DAPK1: variants seen among roughly 807,000 people sequenced by gnomAD.
DAPK1 encodes death-associated protein kinase 1.
Under a neutral mutation model 144.9 loss-of-function variants are expected in DAPK1, and 56 were observed. That is an observed-to-expected ratio of 0.39 (90% CI 0.31 to 0.48). DAPK1 has a LOEUF of 0.48. DAPK1 is among the 20% of genes least tolerant of loss of function. The pLI, the probability that DAPK1 is intolerant of heterozygous loss-of-function variation, is 0.95. For synonymous variants in DAPK1, 690 were observed against 749.0 expected, an observed-to-expected ratio of 0.92 and a Z score of 1.29; for missense variants, 1,454 against 1,875.4, an observed-to-expected ratio of 0.78 and a Z score of 4.15.
intron 2 of DAPK1, among the ~76,000 whole-genome samples, chr9:87,533,172 T>C (rs933085185): frequency 6.6e-6 from 1 of 152,232 alleles, no homozygotes; most frequent in African/African-American, 2.4e-5. Context: ...AAAATATATA[T>C]ACACATGCGT....
intron 17 of DAPK1, 189 bp from the exon 18 acceptor site, chr9:87,657,840 T>G (rs914221846): frequency 1.7e-6 from 1 of 594,196 alleles, no homozygotes; most frequent in African/African-American, 1.9e-5. Context: ...CTCTTTTAAT[T>G]GCAAAGTACT....
At chr9:87,671,387 A>G (rs1417714333) in intron 19 of DAPK1, among the ~76,000 whole-genome samples, 4 of 151,942 alleles carry the variant, frequency 2.6e-5, no homozygotes, top group African/African-American at 7.2e-5. Flanking sequence ...AATATATTTT[A>G]TAGTTTATAA....
chr9:87,528,501 A>G (rs1316646402), intron 2 of DAPK1, among the ~76,000 whole-genome samples: 1 of 152,100 alleles, frequency 6.6e-6, no homozygotes, highest in African/African-American at 2.4e-5. Flanking sequence ...TACAGGCGTG[A>G]GCCACCACGC....
intron 18 of DAPK1, among the ~76,000 whole-genome samples, chr9:87,660,424 A>G (rs1001903351): frequency 6.6e-6 from 1 of 152,224 alleles, no homozygotes; most frequent in Non-Finnish European, 1.5e-5. Flanking sequence ...ATGAATTTCA[A>G]TAATATATTA....
chr9:87,627,167 G>A (rs1030821105), intron 3 of DAPK1, among the ~76,000 whole-genome samples: 1 of 152,228 alleles, frequency 6.6e-6, no homozygotes, highest in Non-Finnish European at 1.5e-5. Context: ...CCCACATGGA[G>A]AGGGGTGTCT....
At chr9:87,555,782 C>T (rs6560002) in intron 2 of DAPK1, among the ~76,000 whole-genome samples, 29,039 of 152,172 alleles carry the variant, frequency 0.19, 4,233 homozygotes, top group African/African-American at 0.39. Flanking sequence ...GGATTACAGG[C>T]GTAAGCCACT....
At chr9:87,616,684 G>T (rs1398544339) in intron 3 of DAPK1, among the ~76,000 whole-genome samples, 1 of 152,144 alleles carries the variant, frequency 6.6e-6, no homozygotes, top group Non-Finnish European at 1.5e-5. Context: ...TCTGAGAATG[G>T]AGCTGTCATC....
At position 87,584,691 on chromosome 9, in the gene DAPK1, T is replaced by TG. The variant is rs776346621; in HGVS notation, c.63-20263_63-20262insG. 5.1e-3 allele frequency among the ~76,000 whole-genome samples: 769 copies of TG among 151,128 alleles called. 4 individuals are homozygous for TG. Among genetic ancestry groups the TG allele is most frequent in the Middle Eastern group, 0.01 (3 of 294 alleles). On this transcript the variant is annotated intron_variant, in intron 2 of 25. Transcript: ENST00000408954. Reference sequence around the variant, plus strand: ...GTGTGTGTGTGTGTGTGTGTGTGTGTTTGAGATGGAGTTTCACTCTTGTTG... The same window carrying TG: ...GTGTGTGTGTGTGTGTGTGTGTGTGTGTTGAGATGGAGTTTCACTCTTGTTG...
In DAPK1 at chr9:87,638,034, G is replaced by T. The variant is rs1377160081; in HGVS notation, c.376G>T (p.Gly126Cys). The T allele has an allele frequency of 6.2e-7, 1 of 1,613,796 alleles. No individual in the cohort carries two copies. The highest frequency in any genetic ancestry group is 1.7e-5 in the Admixed American group (1 of 60,006). Reference protein sequence around the residue: ...ATEFLKQILNGVYYLHSLQIA... With the variant: ...ATEFLKQILNCVYYLHSLQIA... ...TGAATTTCTCAAACAAATTCTTAATGGTGTTTACTACCTGCACTCCCTTCA... is the reference window on the plus strand; with the variant it reads ...TGAATTTCTCAAACAAATTCTTAATTGTGTTTACTACCTGCACTCCCTTCA... The change falls in exon 4 of 26, where the codon GGT becomes TGT. Residue 126 changes from glycine to cysteine, a missense_variant. Gly to Cys is a radical substitution (Grantham distance 159). Coordinates refer to ENST00000408954, the MANE Select transcript of DAPK1 (RefSeq NM_004938.4).
At position 87,501,532 on chromosome 9, in the gene DAPK1, G is replaced by A. The variant is rs1051600566; in HGVS notation, c.62+2393G>A. On this transcript the variant is annotated intron_variant, in intron 2 of 25. Transcript: ENST00000408954. ...TGCCCTCCAGCCTGGGTGATACAGCGAGACTCTGTCTCAAAAAAAAAAGAA... is the reference window on the plus strand; with the variant it reads ...TGCCCTCCAGCCTGGGTGATACAGCAAGACTCTGTCTCAAAAAAAAAAGAA... 3.3e-5 allele frequency among the ~76,000 whole-genome samples: 5 copies of A among 151,468 alleles called. No homozygotes were observed. The South Asian group carries it at 6.2e-4, about 19-fold the overall frequency.
In DAPK1 at chr9:87,517,625, TTAAA is replaced by T. The variant is rs147399869; in HGVS notation, c.62+18487_62+18490del. ...ATTGTAGCCATGGTTCCTGTGAGTT[TTAAA>T]GGTAAACTGAGGAATTGCCGAAAAG... On this transcript the variant is annotated intron_variant, in intron 2 of 25. Transcript: ENST00000408954. Among the ~76,000 whole-genome samples the T allele has an allele frequency of 1.2e-3, 190 of 152,312 alleles. 2 individuals are homozygous for T. The highest frequency in any genetic ancestry group is 4.5e-3 in the African/African-American group (185 of 41,566).
At chr9:87,571,525 A>C (rs952720854) in intron 2 of DAPK1, among the ~76,000 whole-genome samples, 14 of 143,438 alleles carry the variant, frequency 9.8e-5, no homozygotes, top group African/African-American at 3.4e-4. Flanking sequence ...ACACACACAC[A>C]CACCAGAAGC....
intron 19 of DAPK1, among the ~76,000 whole-genome samples, chr9:87,670,997 G>A (rs992780506): frequency 1.3e-5 from 2 of 152,204 alleles, no homozygotes; most frequent in African/African-American, 4.8e-5. Context: ...GTTTGGACGA[G>A]TCTGAAAACA....
chr9:87,499,682 G>C (rs540761915), intron 2 of DAPK1, among the ~76,000 whole-genome samples: 1 of 152,182 alleles, frequency 6.6e-6, no homozygotes, highest in Non-Finnish European at 1.5e-5. Context: ...GTTGGTGTTG[G>C]TGGTTGCTTT....
intron 21 of DAPK1, among the ~76,000 whole-genome samples, chr9:87,695,446 C>T (rs1393493525): frequency 6.6e-6 from 1 of 152,188 alleles, no homozygotes; most frequent in Non-Finnish European, 1.5e-5. Context: ...CAGGATGTGG[C>T]AGTGTAGAGA....
rs1442493970 is a variant in DAPK1, at chr9:87,706,718, G to T, written c.3647G>T (p.Cys1216Phe). 1 of 1,612,128 alleles carries T rather than the reference G, an allele frequency of 6.2e-7. No individual in the cohort carries two copies. The highest frequency in any genetic ancestry group is 1.3e-5 in the African/African-American group (1 of 74,898). ...IKCCLLLDSVCSTIENVMATT... is the reference protein window; with the variant it reads ...IKCCLLLDSVFSTIENVMATT... Reference sequence around the variant, plus strand: ...TGCTGCCTGCTGCTGGACTCGGTGTGCAGCACCATTGAGAACGTCATGGCC... The same window carrying T: ...TGCTGCCTGCTGCTGGACTCGGTGTTCAGCACCATTGAGAACGTCATGGCC... Residue 1216 changes from cysteine (C) to phenylalanine (F), a missense_variant, in exon 26 of 26, where the codon TGC becomes TTC. By Grantham distance (205) the Cys-to-Phe change is radical (BLOSUM62 -2). Transcript: ENST00000408954. This position sits in a 1 kb window ranked among gnomAD's most constrained non-coding sequence, Gnocchi z 9.0.
chr9:87,529,888 C>G (rs1383696906), intron 2 of DAPK1, among the ~76,000 whole-genome samples: 1 of 152,176 alleles, frequency 6.6e-6, no homozygotes, highest in Non-Finnish European at 1.5e-5. Flanking sequence ...CACCTCTGGG[C>G]CTTTAAATTT....
At position 87,605,053 on chromosome 9, in the gene DAPK1, G is replaced by T. The variant is rs1454360361; in HGVS notation, c.162G>T (p.Arg54=). ...IKKRRTKSSR[R]GVSREDIERE... ...AAAGGAGGACTAAGTCCAGCCGGCG[G>T]GGTGTGAGCCGCGAGGACATCGAGC... The change falls in exon 3 of 26, where the codon CGG becomes CGT. Residue 54 remains arginine (R), a synonymous_variant. Transcript: ENST00000408954. 4 of 1,614,222 alleles carry T rather than the reference G, an allele frequency of 2.5e-6. No individual in the cohort carries two copies. In the South Asian group the frequency reaches 3.3e-5, roughly 13 times the overall value.
At chr9:87,584,692 T>TG (rs879936030) in intron 2 of DAPK1, among the ~76,000 whole-genome samples, 2 of 108,992 alleles carry the variant, frequency 1.8e-5, no homozygotes, top group Non-Finnish European at 3.8e-5. Flanking sequence ...GTGTGTGTGT[T>TG]TGAGATGGAG....
Sources: gnomAD v4.1 joint callset for allele counts (sites outside exome capture counted in the v4.1 genomes callset) on GRCh38, gnomAD v4.1.1 for gene constraint, Gnocchi (gnomAD v3.1) non-coding constraint, MANE v1.5 for transcripts, NCBI Gene and HGNC (gene_info 2026-07-23, HGNC 2026-07-21) for gene names.